Variants in KCNH8 observed in about 807,000 individuals in gnomAD.
The protein encoded by KCNH8 is potassium voltage-gated channel subfamily H member 8.
KCNH8 carries 70 observed loss-of-function variants against 103.6 expected under a neutral mutation model. The observed-to-expected ratio is 0.68, with a 90% confidence interval of 0.56 to 0.82. KCNH8 has a LOEUF of 0.82. KCNH8 is among the 40% of genes least tolerant of loss of function. The pLI is 0.00. For synonymous variants in KCNH8, 498 were observed against 489.4 expected, an observed-to-expected ratio of 1.02 and a Z score of -0.23; for missense variants, 1,217 against 1,329.9, an observed-to-expected ratio of 0.92 and a Z score of 1.32.
At position 19,412,694 on chromosome 3, in the gene KCNH8, A is replaced by C. The variant is rs4376056; in HGVS notation, c.1177+17383A>C. Among the ~76,000 whole-genome samples, 405 of 151,836 alleles carry C rather than the reference A, an allele frequency of 2.7e-3. 4 individuals carry two copies. The highest frequency in any genetic ancestry group is 0.018 in the Admixed American group (282 of 15,254). On this transcript the variant is annotated intron_variant, in intron 7 of 15. Transcript: ENST00000328405. ...AAAGTTAAACAATTCAACAAGCAAA[A>C]GACAATTTAAAAAAAATGAGCAAAA...
chr3:19,474,645 G>A lies in KCNH8; in HGVS notation c.2040+17663G>A, dbSNP rs141212413. Among the ~76,000 whole-genome samples the A allele has an allele frequency of 4.4e-3, 669 of 152,216 alleles. 5 individuals are homozygous for A. The highest frequency in any genetic ancestry group is 0.019 in the South Asian group (93 of 4,816). ...AGGGTTTGGTTTCCAGGTCATTGAA[G>A]AAAATAATTAAGGAAAATTCTGATA... On this transcript the variant is annotated intron_variant, in intron 11 of 15. Transcript: ENST00000328405.
At chr3:19,367,280 A>G (rs1269955673) in intron 5 of KCNH8, among the ~76,000 whole-genome samples, 1 of 151,176 alleles carries the variant, frequency 6.6e-6, no homozygotes, top group Non-Finnish European at 1.5e-5. Context: ...ATTCCTTGTT[A>G]CCCCGATTAC....
rs140437874 is a variant in KCNH8 at position 19,533,700 on chromosome 3, T to C, written c.2925T>C (p.Ala975=). ...GGAGCAGCCCCCAACGAACTGGAGC[T>C]CATGAGCAAAATCCTGCAGACAGTG... ...SVGSSPQRTG[A]HEQNPADSEL... Residue 975 remains alanine, a synonymous_variant, in exon 16 of 16, where the codon GCT becomes GCC. Coordinates refer to ENST00000328405, the MANE Select transcript of KCNH8 (RefSeq NM_144633.3). 1,205 of 1,614,122 alleles carry C rather than the reference T, an allele frequency of 7.5e-4. 5 individuals are homozygous for C. In the African/African-American group the frequency reaches 0.013, roughly 17 times the overall value.
chr3:19,261,585 G>A (rs1466692641), intron 2 of KCNH8, among the ~76,000 whole-genome samples: 3 of 151,666 alleles, frequency 2.0e-5, no homozygotes, highest in Admixed American at 6.6e-5. Flanking sequence ...CTATGCAGAA[G>A]GTTTTTAGTT....
At chr3:19,295,187 C>G (rs1176239878) in intron 3 of KCNH8, among the ~76,000 whole-genome samples, 2 of 151,820 alleles carry the variant, frequency 1.3e-5, no homozygotes, top group African/African-American at 4.8e-5. Context: ...TAGGATTAGC[C>G]TGGGGAACAC....
At chr3:19,221,590 C>A (rs1011707807) in intron 1 of KCNH8, among the ~76,000 whole-genome samples, 1 of 151,708 alleles carries the variant, frequency 6.6e-6, no homozygotes, top group African/African-American at 2.4e-5. Flanking sequence ...AGAATTTTTC[C>A]TATTTTTAAA....
intron 1 of KCNH8, among the ~76,000 whole-genome samples, chr3:19,231,000 AATAAGT>A (rs1158996803): frequency 6.6e-6 from 1 of 152,176 alleles, no homozygotes; most frequent in East Asian, 1.9e-4. Flanking sequence ...AATCTGAACA[AATAAGT>A]ATAAGAAAAT....
chr3:19,463,479 G>C (rs920422094), intron 11 of KCNH8, among the ~76,000 whole-genome samples: 9 of 151,950 alleles, frequency 5.9e-5, no homozygotes, highest in Non-Finnish European at 1.3e-4. Context: ...GCAATGTGTA[G>C]ATGAAGAAAC....
At chr3:19,355,059 A>G (rs551172558) in intron 5 of KCNH8, among the ~76,000 whole-genome samples, 1 of 152,330 alleles carries the variant, frequency 6.6e-6, no homozygotes, top group South Asian at 2.1e-4. Flanking sequence ...AACCCCATCA[A>G]AAAGTGGGCA....
At chr3:19,441,485 T>C (rs538668964) in intron 8 of KCNH8, among the ~76,000 whole-genome samples, 35 of 152,330 alleles carry the variant, frequency 2.3e-4, no homozygotes, top group Middle Eastern at 3.4e-3. Flanking sequence ...AGATGACAGA[T>C]CTAAAGTATG....
chr3:19,273,559 A>G (rs1370197267), intron 2 of KCNH8, among the ~76,000 whole-genome samples: 1 of 152,176 alleles, frequency 6.6e-6, no homozygotes, highest in Non-Finnish European at 1.5e-5. Flanking sequence ...TCTGCATCCT[A>G]CACAGAGCTG....
At chr3:19,463,250 A>G (rs999880514) in intron 11 of KCNH8, among the ~76,000 whole-genome samples, 7 of 152,132 alleles carry the variant, frequency 4.6e-5, no homozygotes, top group Non-Finnish European at 1.0e-4. Flanking sequence ...GTACCTATAT[A>G]ATGATAATTC....
chr3:19,236,980 T>A (rs950884283), intron 1 of KCNH8, among the ~76,000 whole-genome samples: 1 of 152,250 alleles, frequency 6.6e-6, no homozygotes, highest in Admixed American at 6.5e-5. Flanking sequence ...TTTATTTATA[T>A]GTTAATGTTT....
intron 2 of KCNH8, among the ~76,000 whole-genome samples, chr3:19,279,075 A>G (rs1304486470): frequency 2.6e-5 from 4 of 152,102 alleles, no homozygotes; most frequent in East Asian, 1.9e-4. Flanking sequence ...ATGTCAACCA[A>G]AATGTCAGAT....
chr3:19,344,979 G>C (rs2065710574), intron 4 of KCNH8, among the ~76,000 whole-genome samples: 1 of 152,046 alleles, frequency 6.6e-6, no homozygotes, highest in Non-Finnish European at 1.5e-5. Context: ...TTACCTTGCT[G>C]CTTCTCGGAT....
intron 1 of KCNH8, among the ~76,000 whole-genome samples, chr3:19,206,159 G>GGTGTGT (rs546354220): frequency 3.6e-5 from 5 of 138,396 alleles, no homozygotes; most frequent in African/African-American, 1.2e-4. Flanking sequence ...ATATATTAAT[G>GGTGTGT]GTGTGTGTGT....
intron 11 of KCNH8, among the ~76,000 whole-genome samples, chr3:19,499,498 C>T (rs2068526583): frequency 6.6e-6 from 1 of 152,074 alleles, no homozygotes; most frequent in African/African-American, 2.4e-5. Flanking sequence ...TCAGATTCAC[C>T]AAAGTTGAAA....
chr3:19,524,008 G>C (rs949405826), intron 15 of KCNH8, among the ~76,000 whole-genome samples: 2 of 151,882 alleles, frequency 1.3e-5, no homozygotes, highest in Non-Finnish European at 2.9e-5. Context: ...GGAATAATAA[G>C]AGAGGCTGTT....
intron 3 of KCNH8, among the ~76,000 whole-genome samples, chr3:19,294,000 A>G (rs2064963706): frequency 6.6e-6 from 1 of 152,210 alleles, no homozygotes; most frequent in African/African-American, 2.4e-5. Flanking sequence ...GCACATTCTG[A>G]AAACTGTATT....
Sources: gnomAD v4.1 joint callset for allele counts (sites outside exome capture counted in the v4.1 genomes callset) on GRCh38, gnomAD v4.1.1 for gene constraint, MANE v1.5 for transcripts, NCBI Gene and HGNC (gene_info 2026-07-23, HGNC 2026-07-21) for gene names.